Variants in DPP4 observed in about 807,000 individuals in gnomAD.
DPP4 encodes ADCP-2.
In DPP4, 93 loss-of-function variants were observed where a neutral mutation model predicts 122.4. That is an observed-to-expected ratio of 0.76 (90% CI 0.64 to 0.90). DPP4 has a LOEUF of 0.90. Among genes scored for constraint, DPP4 ranks in the 40% least tolerant of loss-of-function variants. The pLI, the probability that DPP4 is intolerant of heterozygous loss-of-function variation, is 0.00. For synonymous variants in DPP4, 321 were observed against 302.9 expected (o/e 1.06, Z -0.62); for missense variants, 914 against 907.3 (o/e 1.01, Z -0.09).
chr2:162,015,018 C>T (rs149363727), intron 18 of DPP4, among the ~76,000 whole-genome samples: 71 of 152,284 alleles, frequency 4.7e-4, no homozygotes, highest in Middle Eastern at 6.8e-3. Flanking sequence ...CAAACTGTTG[C>T]GTACATTCTG....
intron 10 of DPP4, among the ~76,000 whole-genome samples, chr2:162,033,304 G>A (rs780081610): frequency 6.6e-6 from 1 of 152,082 alleles, no homozygotes; most frequent in South Asian, 2.1e-4. Context: ...TTGAATGTAG[G>A]CTCCATAACA....
At chr2:162,054,161 A>AT (rs1217083029) in intron 2 of DPP4, among the ~76,000 whole-genome samples, 2 of 152,150 alleles carry the variant, frequency 1.3e-5, no homozygotes, top group African/African-American at 4.8e-5. Flanking sequence ...TGGGCTTTAG[A>AT]TTTATTTGGC....
At chr2:162,069,715 C>T (rs991808140) in intron 2 of DPP4, among the ~76,000 whole-genome samples, 1 of 152,154 alleles carries the variant, frequency 6.6e-6, no homozygotes, top group African/African-American at 2.4e-5. Flanking sequence ...CATTCAGGCG[C>T]ATTTCTGTGC....
intron 23 of DPP4, among the ~76,000 whole-genome samples, chr2:162,004,009 TG>T (rs1215169993): frequency 6.6e-6 from 1 of 151,976 alleles, no homozygotes; most frequent in Non-Finnish European, 1.5e-5. Flanking sequence ...AGTTTCTGAA[TG>T]GGTGGAGATG....
intron 8 of DPP4, among the ~76,000 whole-genome samples, chr2:162,035,734 C>T (rs1210469834): frequency 6.6e-6 from 1 of 152,078 alleles, no homozygotes; most frequent in African/African-American, 2.4e-5. Context: ...TTGTACTGAG[C>T]CCGCAGGGTA....
intron 23 of DPP4, among the ~76,000 whole-genome samples, chr2:162,004,351 T>C (rs1444307632): frequency 6.6e-6 from 1 of 151,730 alleles, no homozygotes. Context: ...AGGAAATGAG[T>C]GTCTAAAGCA....
intron 5 of DPP4, among the ~76,000 whole-genome samples, chr2:162,040,222 T>C (rs1404713317): frequency 6.6e-6 from 1 of 151,928 alleles, no homozygotes; most frequent in Non-Finnish European, 1.5e-5. Context: ...TTCAAATGAG[T>C]TGAGAATTTA....
At chr2:162,015,257 C>A (rs1682867636) in intron 18 of DPP4, among the ~76,000 whole-genome samples, 1 of 152,090 alleles carries the variant, frequency 6.6e-6, no homozygotes, top group Non-Finnish European at 1.5e-5. Context: ...TTTTATCTAA[C>A]ATTTATCTTC....
At position 162,049,782 on chromosome 2, in the gene DPP4, A is replaced by G. The variant is rs1684320014; in HGVS notation, c.95-2281T>C. On this transcript the variant is annotated intron_variant, in intron 2 of 25. Coordinates refer to ENST00000360534, the MANE Select transcript of DPP4 (RefSeq NM_001935.4). Reference sequence around the variant, plus strand: ...TACAGGTTCAAGTTGTAGGTTAATAAAAGATTTTATTTCTTCAGATCTTAT... The same window carrying G: ...TACAGGTTCAAGTTGTAGGTTAATAGAAGATTTTATTTCTTCAGATCTTAT... 3.3e-5 allele frequency among the ~76,000 whole-genome samples: 5 copies of G among 152,208 alleles called. No homozygotes were observed. In the South Asian group the frequency reaches 1.0e-3, roughly 32 times the overall value.
rs1170948040 is a variant in DPP4, at chr2:162,035,149, A to G, written c.774+15T>C. ...CATCAAATCATGGAACCACTGTACA[A>G]ACAGGAGCACAGACCTTTGGATATG... On this transcript the variant is annotated intron_variant, in intron 9 of 25. Coordinates refer to ENST00000360534, the MANE Select transcript of DPP4 (RefSeq NM_001935.4). The G allele has an allele frequency of 6.2e-7, 1 of 1,606,244 alleles. No homozygotes were observed. Among genetic ancestry groups the G allele is most frequent in the South Asian group, 1.1e-5 (1 of 89,448 alleles).
At chr2:162,048,345 C>A (rs536018345) in intron 2 of DPP4, among the ~76,000 whole-genome samples, 114 of 152,234 alleles carry the variant, frequency 7.5e-4, no homozygotes, top group African/African-American at 2.6e-3. Flanking sequence ...GTATCCCTGA[C>A]ATTAGATTCT....
chr2:162,022,808 G>C lies in DPP4; in HGVS notation c.1024-9C>G. On this transcript the variant is annotated splice_polypyrimidine_tract_variant and intron_variant, in intron 11 of 25. Transcript: ENST00000360534. ...TCAATGTGTTGCCGTGCCTAGGAAG[G>C]GAAAGAGACAATGACAGCATTTCAA... 6.2e-7 allele frequency: 1 copy of C among 1,613,796 alleles called. No homozygotes were observed. The highest frequency in any genetic ancestry group is 8.5e-7 in the Non-Finnish European group (1 of 1,179,952).
Position 162,074,024 on chromosome 2 carries a change from A to G in DPP4, c.-43T>C. On this transcript the variant is annotated 5_prime_UTR_variant, in exon 1 of 26. Transcript: ENST00000360534. ...AAGTGAGCGTTCAGAGAAGGAGCGC[A>G]GGCAGAAGTCACCGCGGGCGGCGGA... The G allele has an allele frequency of 6.2e-7, 1 of 1,605,458 alleles. No individual in the cohort carries two copies. Among genetic ancestry groups the G allele is most frequent in the South Asian group, 1.1e-5 (1 of 89,438 alleles).
At chr2:161,997,839 C>A (rs749902089) in intron 23 of DPP4, among the ~76,000 whole-genome samples, 1 of 152,182 alleles carries the variant, frequency 6.6e-6, no homozygotes, top group Non-Finnish European at 1.5e-5. Context: ...GTAACCTGCA[C>A]CCGGTCACAA....
intron 8 of DPP4, among the ~76,000 whole-genome samples, chr2:162,037,504 TAA>T (rs1371516450): frequency 3.3e-5 from 5 of 152,144 alleles, no homozygotes; most frequent in African/African-American, 1.2e-4. Context: ...GAACTAAAAT[TAA>T]GTCATGAAGA....
intron 10 of DPP4, among the ~76,000 whole-genome samples, chr2:162,033,022 C>A (rs1683615946): frequency 6.6e-6 from 1 of 152,138 alleles, no homozygotes; most frequent in Non-Finnish European, 1.5e-5. Context: ...TCCAGTCACC[C>A]CAACCTCCTT....
rs560448873 is a variant in DPP4 at position 162,023,700 on chromosome 2, C to T, written c.1024-901G>A. ...CTATTCCCTCTGTACCTTGGTTGAA[C>T]CCTTTTTAGGGTACAATGAGGTATT... On this transcript the variant is annotated intron_variant, in intron 11 of 25. Transcript: ENST00000360534. Among the ~76,000 whole-genome samples the T allele has an allele frequency of 3.0e-4, 45 of 152,248 alleles. No homozygotes were observed. The South Asian group carries it at 5.8e-3, about 20-fold the overall frequency.
intron 23 of DPP4, among the ~76,000 whole-genome samples, chr2:162,003,407 A>G (rs1462305894): frequency 6.6e-6 from 1 of 152,170 alleles, no homozygotes; most frequent in Non-Finnish European, 1.5e-5. Flanking sequence ...ATCTCATTAT[A>G]TAGGGAGGGC....
intron 2 of DPP4, among the ~76,000 whole-genome samples, chr2:162,050,438 T>A (rs1684342503): frequency 6.6e-6 from 1 of 152,110 alleles, no homozygotes; most frequent in Non-Finnish European, 1.5e-5. Flanking sequence ...ACATTCAGGC[T>A]CCCTTCTGCT....
Sources: gnomAD v4.1 joint callset for allele counts (sites outside exome capture counted in the v4.1 genomes callset) on GRCh38, gnomAD v4.1.1 for gene constraint, MANE v1.5 for transcripts, NCBI Gene and HGNC (gene_info 2026-07-23, HGNC 2026-07-21) for gene names.